Variants in PTPRR observed in about 807,000 individuals in gnomAD.
The protein encoded by PTPRR is protein tyrosine phosphatase receptor type R.
In PTPRR, 38 loss-of-function variants were observed where a neutral mutation model predicts 77.2. The ratio of observed to expected loss-of-function variants is 0.49; its 90% CI spans 0.38 to 0.65. The LOEUF is 0.65. Ranked by LOEUF, PTPRR falls within the 30% of genes least tolerant of loss-of-function variation. The pLI, the probability that PTPRR is intolerant of heterozygous loss-of-function variation, is 0.00. For synonymous variants in PTPRR, 299 were observed against 283.1 expected, an observed-to-expected ratio of 1.06 and a Z score of -0.57; for missense variants, 744 against 799.2, an observed-to-expected ratio of 0.93 and a Z score of 0.83.
At chr12:70,833,550 G>A (rs907121485) in intron 2 of PTPRR, among the ~76,000 whole-genome samples, 7 of 152,182 alleles carry the variant, frequency 4.6e-5, no homozygotes, top group Non-Finnish European at 7.4e-5. Context: ...TTAAGGTAAA[G>A]AACAGAGGAG....
intron 10 of PTPRR, chr12:70,671,865 C>T (rs1434218460): frequency 6.4e-6 from 4 of 628,182 alleles, no homozygotes; most frequent in Middle Eastern, 4.4e-4. Flanking sequence ...TGACCTCTGG[C>T]CCCACAAGCA....
chr12:70,718,203 T>C (rs539519056), intron 6 of PTPRR, among the ~76,000 whole-genome samples: 1 of 152,136 alleles, frequency 6.6e-6, no homozygotes, highest in Non-Finnish European at 1.5e-5. Context: ...CAAAGTATTG[T>C]ATAGATTTAA....
intron 6 of PTPRR, among the ~76,000 whole-genome samples, chr12:70,719,169 A>T (rs1177601624): frequency 6.6e-6 from 1 of 152,140 alleles, no homozygotes; most frequent in Non-Finnish European, 1.5e-5. Flanking sequence ...CTAAGCTTTA[A>T]GTAATCAGTA....
intron 2 of PTPRR, among the ~76,000 whole-genome samples, chr12:70,767,712 AT>A (rs972227454): frequency 1.2e-4 from 18 of 152,136 alleles, no homozygotes; most frequent in Admixed American, 1.2e-3. Flanking sequence ...CAGAATATAC[AT>A]TTTTTTCAGC....
chr12:70,768,047 C>T (rs1215725499), intron 2 of PTPRR, among the ~76,000 whole-genome samples: 9 of 151,788 alleles, frequency 5.9e-5, no homozygotes, highest in Non-Finnish European at 1.2e-4. Flanking sequence ...CACTAAATGC[C>T]CACAAGAGAA....
At chr12:70,676,778 GT>G (rs568424777) in intron 10 of PTPRR, among the ~76,000 whole-genome samples, 1 of 146,224 alleles carries the variant, frequency 6.8e-6, no homozygotes, top group East Asian at 2.0e-4. Context: ...CTATGTATTT[GT>G]TTTTTTTGCC....
chr12:70,843,808 ATTTTTT>A (rs201003875), intron 2 of PTPRR, among the ~76,000 whole-genome samples: 372 of 124,666 alleles, frequency 3.0e-3, no homozygotes, highest in Admixed American at 4.7e-3. Flanking sequence ...GTTGCTGAAA[ATTTTTT>A]TTTTTTTTTT....
chr12:70,766,216 G>A (rs551020108), intron 2 of PTPRR, among the ~76,000 whole-genome samples: 28 of 152,304 alleles, frequency 1.8e-4, no homozygotes, highest in African/African-American at 5.8e-4. Flanking sequence ...AAACTACTCC[G>A]AGCTACAGGA....
At chr12:70,707,492 G>A (rs983384915) in intron 6 of PTPRR, among the ~76,000 whole-genome samples, 14 of 151,992 alleles carry the variant, frequency 9.2e-5, no homozygotes, top group African/African-American at 3.1e-4. Context: ...ACATTTGATA[G>A]TATCCCATTA....
At chr12:70,713,300 T>C (rs1457968196) in intron 6 of PTPRR, among the ~76,000 whole-genome samples, 1 of 152,212 alleles carries the variant, frequency 6.6e-6, no homozygotes, top group Non-Finnish European at 1.5e-5. Context: ...ATTCATCAGT[T>C]GATAGACATT....
chr12:70,732,542 T>G (rs949613722), intron 6 of PTPRR, among the ~76,000 whole-genome samples: 4 of 152,038 alleles, frequency 2.6e-5, no homozygotes, highest in Admixed American at 2.6e-4. Flanking sequence ...GGCGAGGTGG[T>G]GGTGAGCATC....
chr12:70,820,695 G>C (rs1006592595), intron 2 of PTPRR, among the ~76,000 whole-genome samples: 5 of 152,164 alleles, frequency 3.3e-5, no homozygotes, highest in African/African-American at 1.2e-4. Flanking sequence ...AGGAGTTTCA[G>C]CAAGAATCCT....
At chr12:70,685,304 A>G (rs1208900745) in intron 8 of PTPRR, among the ~76,000 whole-genome samples, 2 of 151,998 alleles carry the variant, frequency 1.3e-5, no homozygotes, top group African/African-American at 4.8e-5. Context: ...CTGTGTGAGG[A>G]TAGGCAAGCC....
Position 70,684,284 on chromosome 12 carries a change from A to T in PTPRR, c.1360-20T>A, listed in dbSNP as rs766324715. The T allele has an allele frequency of 6.3e-7, 1 of 1,595,362 alleles. No individual in the cohort carries two copies. The highest frequency in any genetic ancestry group is 1.8e-5 in the Admixed American group (1 of 56,486). The stretch of plus-strand genomic sequence containing the variant: ...GTAGCCCTAGATGGAGTAAAGAAAC[A>T]AAAATATTGGTTTTTAAGTTCATGC... On this transcript the variant is annotated intron_variant, in intron 9 of 13. Transcript: ENST00000283228.
intron 6 of PTPRR, among the ~76,000 whole-genome samples, chr12:70,725,921 C>A: frequency 6.6e-6 from 1 of 152,162 alleles, no homozygotes; most frequent in African/African-American, 2.4e-5. Context: ...TGTCTCTCTT[C>A]GCTAAGGAGG....
intron 1 of PTPRR, among the ~76,000 whole-genome samples, chr12:70,902,668 A>G (rs1893557400): frequency 1.3e-5 from 2 of 151,800 alleles, no homozygotes; most frequent in African/African-American, 2.4e-5. Context: ...TCTCACTGAT[A>G]TGTGGGAGCT....
intron 10 of PTPRR, chr12:70,671,988 C>T: frequency 7.7e-7 from 1 of 1,306,232 alleles, no homozygotes; most frequent in Non-Finnish European, 1.1e-6. Context: ...TTTCAACCCT[C>T]CAGAGACATG....
At chr12:70,659,476 A>G (rs1886715037) in intron 12 of PTPRR, among the ~76,000 whole-genome samples, 1 of 152,160 alleles carries the variant, frequency 6.6e-6, no homozygotes, top group African/African-American at 2.4e-5. Flanking sequence ...AACTGTCAAC[A>G]TGGGATCCTG....
At chr12:70,739,203 G>A (rs1458092423) in intron 6 of PTPRR, among the ~76,000 whole-genome samples, 1 of 152,102 alleles carries the variant, frequency 6.6e-6, no homozygotes, top group Non-Finnish European at 1.5e-5. Flanking sequence ...ACCTAGTGTA[G>A]GCTTGTGAAA....
Sources: allele counts gnomAD v4.1 joint callset (sites outside exome capture counted in the v4.1 genomes callset), GRCh38; gene constraint gnomAD v4.1.1; transcripts MANE v1.5; gene names NCBI Gene and HGNC (gene_info 2026-07-23, HGNC 2026-07-21).